EVC2: variants seen among roughly 807,000 people sequenced by gnomAD.
The protein encoded by EVC2 is limbin.
EVC2 carries 148 observed loss-of-function variants against 149.3 expected under a neutral mutation model. The ratio of observed to expected loss-of-function variants is 0.99; its 90% CI spans 0.87 to 1.14. The LOEUF (loss-of-function observed/expected upper bound fraction) is 1.14, where lower values mean the gene tolerates loss of function less well. EVC2 is among the 50% of genes most tolerant of loss of function. The probability of loss-of-function intolerance (pLI) is 0.00; values close to 1 mark genes in which losing one functional copy is unlikely to be tolerated. For synonymous variants in EVC2, 776 were observed against 649.9 expected (o/e 1.19, Z -2.95); for missense variants, 1,854 against 1,627.3 (o/e 1.14, Z -2.40).
chr4:5,558,212 G>A (rs4269121), downstream of EVC2, among the ~76,000 whole-genome samples: 85,269 of 151,984 alleles, frequency 0.56, 25,111 homozygotes, highest in Non-Finnish European at 0.66. Flanking sequence ...AGGAACAGGT[G>A]CATAGATCAT....
intron 21 of EVC2, among the ~76,000 whole-genome samples, chr4:5,543,762 T>G (rs905290464): frequency 2.0e-5 from 3 of 152,130 alleles, no homozygotes; most frequent in Non-Finnish European, 2.9e-5. Context: ...AAATGGTACC[T>G]GCTTATTAAT....
At position 5,571,554 on chromosome 4, in the gene EVC2, T is replaced by A. The variant is rs564713337; in HGVS notation, c.3361-2914A>T. 5.1e-4 allele frequency among the ~76,000 whole-genome samples: 78 copies of A among 152,128 alleles called. 1 individual carries two copies. The highest frequency in any genetic ancestry group is 1.6e-3 in the African/African-American group (68 of 41,508). Reference sequence around the variant, plus strand: ...GGCCCAGAGTGGCCAGTGGACAGCCTCTCTCCCCACTTCCTCCCTGCTCCT... The same window carrying A: ...GGCCCAGAGTGGCCAGTGGACAGCCACTCTCCCCACTTCCTCCCTGCTCCT... On this transcript the variant is annotated intron_variant, in intron 19 of 21. Transcript: ENST00000344408.
At chr4:5,562,381 C>T (rs553051728), downstream of EVC2, 21 of 913,666 alleles carry the variant, frequency 2.3e-5, no homozygotes, top group South Asian at 1.2e-4. This position sits in a 1 kb window ranked among gnomAD's most constrained non-coding sequence, Gnocchi z 4.3. Context: ...AAACGTAAGA[C>T]GTAATTTCAA....
chr4:5,574,251 GTCTGCAAC>G (rs1722790637), intron 19 of EVC2, among the ~76,000 whole-genome samples: 1 of 152,214 alleles, frequency 6.6e-6, no homozygotes, highest in Admixed American at 6.5e-5. Flanking sequence ...AGGGAGGTGA[GTCTGCAAC>G]TCTGGCCAAG....
In EVC2 at chr4:5,706,413, C is replaced by CAT. The variant is rs1553854655; in HGVS notation, c.228+1871_228+1872dup. On this transcript the variant is annotated intron_variant, in intron 1 of 21. Transcript: ENST00000344408. ...AGATACATAGATAGATAGATAGATA[C>CAT]ATAGATAGATAGATACATAGATAGA... Among the ~76,000 whole-genome samples the CAT allele has an allele frequency of 1.2e-3, 19 of 15,544 alleles. 2 individuals are homozygous for CAT. Among genetic ancestry groups the CAT allele is most frequent in the African/African-American group, 4.1e-3 (14 of 3,386 alleles). 10.2% of individuals were successfully genotyped at this position (15,544 alleles called of 152,430 possible). A position where few individuals can be genotyped will look rare whatever the true frequency, so the allele number is the denominator to read the frequency against.
intron 10 of EVC2, among the ~76,000 whole-genome samples, chr4:5,632,859 C>T (rs7675327): frequency 0.1 from 15,313 of 152,002 alleles, 1,462 homozygotes; most frequent in African/African-American, 0.25. Context: ...CATGGGTAGG[C>T]GGGATTCTGG....
chr4:5,627,826 G>A (rs989525478), intron 12 of EVC2, among the ~76,000 whole-genome samples: 5 of 152,042 alleles, frequency 3.3e-5, no homozygotes, highest in South Asian at 4.2e-4. Context: ...TGCGAGAGCC[G>A]GCAGTGTGCT....
intron 17 of EVC2, among the ~76,000 whole-genome samples, chr4:5,579,190 G>A (rs1711540035): frequency 6.6e-6 from 1 of 152,088 alleles, no homozygotes; most frequent in Non-Finnish European, 1.5e-5. Flanking sequence ...GAGAAAGGGA[G>A]GTAGGCAGAA....
Position 5,665,521 on chromosome 4 carries a change from T to C in EVC2, c.999A>G (p.Arg333=). ...YQCLKGNMLT[R]HRVWQYESKL... ...ACCCTCAGGGAAGACTCACCCGATG[T>C]CTGGTGAGCATGTTTCCCTTCAGAC... The change falls in exon 8 of 22, where the codon AGA becomes AGG. Residue 333 remains arginine, a synonymous_variant. Transcript: ENST00000344408. 6.2e-7 allele frequency: 1 copy of C among 1,614,108 alleles called. No homozygotes were observed. The highest frequency in any genetic ancestry group is 8.5e-7 in the Non-Finnish European group (1 of 1,180,010).
In EVC2 at chr4:5,680,326, T is replaced by A. The variant is rs529830896; in HGVS notation, c.870+934A>T. Among the ~76,000 whole-genome samples the A allele has an allele frequency of 5.9e-5, 9 of 152,352 alleles. No individual in the cohort carries two copies. The South Asian group carries it at 1.9e-3, about 32-fold the overall frequency. ...TTGTACATAATGGTATGTGCTAGAC[T>A]TGTTATGATTGGCAGCACAGTAGGT... On this transcript the variant is annotated intron_variant, in intron 7 of 21. Coordinates refer to ENST00000344408, the MANE Select transcript of EVC2 (RefSeq NM_147127.5).
intron 9 of EVC2, among the ~76,000 whole-genome samples, chr4:5,647,091 C>G (rs1717777215): frequency 6.6e-6 from 1 of 152,196 alleles, no homozygotes; most frequent in African/African-American, 2.4e-5. Flanking sequence ...TCTCCCTGCA[C>G]CTGACCTGTG....
chr4:5,592,829 C>A (rs4539986), intron 16 of EVC2, among the ~76,000 whole-genome samples: 1 of 152,076 alleles, frequency 6.6e-6, no homozygotes, highest in South Asian at 2.1e-4. Flanking sequence ...GTGAACAGCC[C>A]GCCCCAAGGG....
chr4:5,692,894 A>AG (rs1560231744), intron 3 of EVC2, among the ~76,000 whole-genome samples: 8 of 144,252 alleles, frequency 5.5e-5, no homozygotes, highest in South Asian at 2.2e-4. Context: ...AAAAAAAGAA[A>AG]AAAGAAAATT....
chr4:5,626,588 C>T (rs753699258), intron 12 of EVC2, among the ~76,000 whole-genome samples: 2 of 152,124 alleles, frequency 1.3e-5, no homozygotes, highest in African/African-American at 4.8e-5. Flanking sequence ...CCCGCCTCGG[C>T]CTTCCAAAGT....
the EVC2 span, among the ~76,000 whole-genome samples, chr4:5,535,381 C>T: frequency 2.0e-5 from 3 of 152,170 alleles, no homozygotes; most frequent in East Asian, 1.9e-4. The surrounding 1 kb of genome is among the most constrained non-coding windows in gnomAD (Gnocchi z 4.7). Flanking sequence ...ATTCGTGAGG[C>T]CCAACTCACT....
chr4:5,670,697 T>C lies in EVC2; in HGVS notation c.871-5048A>G, dbSNP rs957941480. On this transcript the variant is annotated intron_variant, in intron 7 of 21. Transcript: ENST00000344408. This position sits in a 1 kb window ranked among gnomAD's most constrained non-coding sequence, Gnocchi z 5.2. ...ACCATGGCCATCACCACCATCATTA[T>C]CAACATCATCAATATCTCCATCACC... Among the ~76,000 whole-genome samples, 3 of 151,758 alleles carry C rather than the reference T, an allele frequency of 2.0e-5. No homozygotes were observed. Among genetic ancestry groups the C allele is most frequent in the Admixed American group, 2.0e-4 (3 of 15,242 alleles).
rs1211462114 is a variant in EVC2, at chr4:5,679,156, T to C, written c.870+2104A>G. 2.0e-5 allele frequency among the ~76,000 whole-genome samples: 3 copies of C among 151,564 alleles called. No individual in the cohort carries two copies. The highest frequency in any genetic ancestry group is 4.2e-4 in the South Asian group (2 of 4,800). On this transcript the variant is annotated intron_variant, in intron 7 of 21. Transcript: ENST00000344408. This position sits in a 1 kb window ranked among gnomAD's most constrained non-coding sequence, Gnocchi z 5.1. ...TGCTCTGGGCCAGTCAGTGAGTGAG[T>C]GGTGAGTGAATGTGAAGGCGTAGGG...
chr4:5,660,740 G>A (rs902957762), intron 9 of EVC2, among the ~76,000 whole-genome samples: 1 of 152,180 alleles, frequency 6.6e-6, no homozygotes, highest in African/African-American at 2.4e-5. Context: ...AAAGGCTCTA[G>A]GTTACGGGTT....
intron 8 of EVC2, among the ~76,000 whole-genome samples, chr4:5,664,963 T>A (rs1415508120): frequency 7.2e-6 from 1 of 139,732 alleles, no homozygotes; most frequent in East Asian, 2.2e-4. Flanking sequence ...GTGTGGGTGA[T>A]GGGGTGCGTG....
Sources: allele counts gnomAD v4.1 joint callset (sites outside exome capture counted in the v4.1 genomes callset), GRCh38; gene constraint gnomAD v4.1.1; non-coding constraint Gnocchi (gnomAD v3.1); transcripts MANE v1.5; gene names NCBI Gene and HGNC (gene_info 2026-07-23, HGNC 2026-07-21).